Variants in TBC1D22A observed in about 807,000 individuals in gnomAD.
TBC1D22A encodes the protein putative GTPase activator.
TBC1D22A carries 38 observed loss-of-function variants against 60.2 expected under a neutral mutation model. The ratio of observed to expected loss-of-function variants is 0.63; its 90% confidence interval spans 0.49 to 0.83. The LOEUF is 0.83. Among genes scored for constraint, TBC1D22A ranks in the 40% least tolerant of loss-of-function variants. The pLI, the probability that TBC1D22A is intolerant of heterozygous loss-of-function variation, is 0.00. For synonymous variants in TBC1D22A, 302 were observed against 281.7 expected (o/e 1.07, Z -0.72); for missense variants, 628 against 701.0 (o/e 0.90, Z 1.18).
At chr22:46,841,073 TGA>T (rs1555909324) in intron 4 of TBC1D22A, among the ~76,000 whole-genome samples, 22 of 148,622 alleles carry the variant, frequency 1.5e-4, no homozygotes, top group African/African-American at 3.2e-4. Context: ...TGTGTGTGTG[TGA>T]GAGAGAGAGA....
At chr22:46,847,959 G>A (rs1214354735) in intron 4 of TBC1D22A, among the ~76,000 whole-genome samples, 3 of 68,216 alleles carry the variant, frequency 4.4e-5, no homozygotes, top group Non-Finnish European at 5.7e-5. Context: ...GTGTGTGCGC[G>A]CGCGCACGCG....
At chr22:46,767,861 G>A (rs1049883775) in intron 1 of TBC1D22A, among the ~76,000 whole-genome samples, 6 of 152,066 alleles carry the variant, frequency 3.9e-5, no homozygotes, top group Admixed American at 3.3e-4. Context: ...GGGTCTGGCC[G>A]AGAGAAGGGG....
At chr22:46,861,092 G>C (rs921684067) in intron 4 of TBC1D22A, among the ~76,000 whole-genome samples, 1 of 152,044 alleles carries the variant, frequency 6.6e-6, no homozygotes, top group African/African-American at 2.4e-5. Context: ...CGAGTAGCTG[G>C]GACTATGTGT....
chr22:46,953,028 G>A (rs1209994120), intron 8 of TBC1D22A, among the ~76,000 whole-genome samples: 1 of 152,138 alleles, frequency 6.6e-6, no homozygotes, highest in East Asian at 1.9e-4. Flanking sequence ...TTCCCATACT[G>A]CACTCTCTGG....
intron 7 of TBC1D22A, among the ~76,000 whole-genome samples, chr22:46,902,932 G>A (rs2069109841): frequency 1.3e-5 from 2 of 150,620 alleles, no homozygotes; most frequent in African/African-American, 2.5e-5. Flanking sequence ...TTTGTATCCT[G>A]CCGACTGCAT....
chr22:46,867,513 G>T (rs991225658), intron 4 of TBC1D22A, among the ~76,000 whole-genome samples: 6 of 152,158 alleles, frequency 3.9e-5, no homozygotes, highest in Non-Finnish European at 8.8e-5. Context: ...CCTCCACATC[G>T]ATAAATGAGG....
chr22:46,796,210 C>T (rs1326070392), intron 3 of TBC1D22A, among the ~76,000 whole-genome samples: 2 of 152,160 alleles, frequency 1.3e-5, no homozygotes, highest in Non-Finnish European at 2.9e-5. Context: ...ACTCTGAAGT[C>T]TATGTCCCCA....
intron 4 of TBC1D22A, among the ~76,000 whole-genome samples, chr22:46,830,657 G>A (rs186310697): frequency 3.3e-5 from 5 of 152,338 alleles, no homozygotes; most frequent in African/African-American, 1.2e-4. Context: ...GGGCAGGAAT[G>A]TATAATCCTT....
chr22:46,964,914 G>A (rs968545817), intron 8 of TBC1D22A, among the ~76,000 whole-genome samples: 1 of 152,238 alleles, frequency 6.6e-6, no homozygotes, highest in Non-Finnish European at 1.5e-5. Flanking sequence ...CTGGGCACTG[G>A]TGAGCTGCAC....
intron 4 of TBC1D22A, among the ~76,000 whole-genome samples, chr22:46,863,857 T>C (rs1301687054): frequency 6.6e-6 from 1 of 152,138 alleles, no homozygotes; most frequent in Non-Finnish European, 1.5e-5. Flanking sequence ...CCTCCCTCCA[T>C]TCTCCTGTCT....
At chr22:47,032,615 G>C (rs1459898063) in intron 10 of TBC1D22A, among the ~76,000 whole-genome samples, 1 of 152,238 alleles carries the variant, frequency 6.6e-6, no homozygotes, top group Non-Finnish European at 1.5e-5. Flanking sequence ...CTGGTGATTA[G>C]CCTGTGACTG....
intron 1 of TBC1D22A, chr22:46,773,835 G>C: frequency 1.5e-6 from 1 of 688,468 alleles, no homozygotes; most frequent in Non-Finnish European, 1.8e-6. Flanking sequence ...GGTACCGTGT[G>C]GTCCCTATTT....
intron 7 of TBC1D22A, among the ~76,000 whole-genome samples, chr22:46,901,317 C>T (rs1437709390): frequency 3.9e-5 from 6 of 152,168 alleles, no homozygotes; most frequent in Admixed American, 2.6e-4. Flanking sequence ...CAGTTATGCC[C>T]GGATGTGGAA....
At chr22:46,855,633 T>C (rs551373968) in intron 4 of TBC1D22A, among the ~76,000 whole-genome samples, 1 of 152,062 alleles carries the variant, frequency 6.6e-6, no homozygotes, top group Non-Finnish European at 1.5e-5. Flanking sequence ...TGGGTAGAAA[T>C]CCAGGATTGA....
intron 4 of TBC1D22A, among the ~76,000 whole-genome samples, chr22:46,824,721 A>AG (rs1004700246): frequency 2.6e-5 from 4 of 151,576 alleles, no homozygotes; most frequent in South Asian, 2.1e-4. Context: ...CTGGGGTTTG[A>AG]GGGGGTGTAT....
intron 7 of TBC1D22A, among the ~76,000 whole-genome samples, chr22:46,902,404 G>A (rs987470808): frequency 4.6e-5 from 7 of 152,214 alleles, no homozygotes; most frequent in African/African-American, 1.7e-4. Flanking sequence ...TAACAAAGAC[G>A]TGAACATCAA....
At chr22:47,123,131 A>G (rs553490685) in intron 12 of TBC1D22A, among the ~76,000 whole-genome samples, 66 of 152,236 alleles carry the variant, frequency 4.3e-4, no homozygotes, top group African/African-American at 1.5e-3. Context: ...TCCGTCTGCC[A>G]AGACTTTGGG....
intron 4 of TBC1D22A, among the ~76,000 whole-genome samples, chr22:46,850,767 C>T (rs767047254): frequency 6.6e-6 from 1 of 152,064 alleles, no homozygotes; most frequent in Non-Finnish European, 1.5e-5. Flanking sequence ...GCAGCATTTT[C>T]CATAATAGCC....
intron 12 of TBC1D22A, among the ~76,000 whole-genome samples, chr22:47,127,941 C>T (rs1300698848): frequency 1.5e-5 from 2 of 136,782 alleles, no homozygotes; most frequent in Non-Finnish European, 3.2e-5. Flanking sequence ...CCCACCCATC[C>T]TCTCCTCCAC....
Sources: gnomAD v4.1 joint callset for allele counts (sites outside exome capture counted in the v4.1 genomes callset) on GRCh38, gnomAD v4.1.1 for gene constraint, MANE v1.5 for transcripts, NCBI Gene and HGNC (gene_info 2026-07-23, HGNC 2026-07-21) for gene names.